HMMR: variants seen among roughly 807,000 people sequenced by gnomAD.
HMMR encodes hyaluronan mediated motility receptor.
Under a neutral mutation model 101.0 loss-of-function variants are expected in HMMR, and 108 were observed. The observed-to-expected ratio is 1.07, with a 90% CI of 0.92 to 1.25. HMMR has a LOEUF of 1.25. Ranked by LOEUF, HMMR falls within the 50% of genes most tolerant of loss-of-function variation. The probability of loss-of-function intolerance (pLI) is 0.00; values close to 1 mark genes in which losing one functional copy is unlikely to be tolerated. For synonymous variants in HMMR, 296 were observed against 276.4 expected, an observed-to-expected ratio of 1.07 and a Z score of -0.70; for missense variants, 813 against 788.7, an observed-to-expected ratio of 1.03 and a Z score of -0.37.
chr5:163,471,444 G>A lies in HMMR; in HGVS notation c.631G>A (p.Ala211Thr). The A allele has an allele frequency of 6.2e-7, 1 of 1,612,332 alleles. No individual in the cohort carries two copies. The highest frequency in any genetic ancestry group is 8.5e-7 in the Non-Finnish European group (1 of 1,178,454). Residue 211 changes from alanine to threonine, a missense_variant, in exon 7 of 18, where the codon GCC becomes ACC. Transcript: ENST00000393915. ...RSLEESQGKI[A>T]QLEGKLVSIE... ...TCTCGAAGAGTCTCAAGGGAAAATA[G>A]CCCAACTGGAGGGAAAACTGTAAGT...
At position 163,473,931 on chromosome 5, in the gene HMMR, A is replaced by G. The variant is rs984049482; in HGVS notation, c.905-126A>G. Reference sequence around the variant, plus strand: ...CATGGAGTAATGATACAAAGTTCACAGTTTTGTTTTCTTCTTTGGAAATAC... The same window carrying G: ...CATGGAGTAATGATACAAAGTTCACGGTTTTGTTTTCTTCTTTGGAAATAC... On this transcript the variant is annotated intron_variant, in intron 9 of 17. Transcript: ENST00000393915. 311 of 730,144 alleles carry G rather than the reference A, an allele frequency of 4.3e-4. 1 individual carries two copies. Among genetic ancestry groups the G allele is most frequent in the Admixed American group, 3.9e-4 (13 of 32,936 alleles). The allele number at this position is 730,144 out of a possible 1,614,324, so 45.2% of individuals were successfully genotyped here.
intron 16 of HMMR, among the ~76,000 whole-genome samples, chr5:163,490,112 A>C (rs1759635395): frequency 6.6e-6 from 1 of 152,198 alleles, no homozygotes; most frequent in East Asian, 1.9e-4. Context: ...GTCATGCCAG[A>C]AGTCCATCTC....
chr5:163,483,172 G>A lies in HMMR; in HGVS notation c.1685G>A (p.Arg562Lys), dbSNP rs1262044127. 6.2e-7 allele frequency: 1 copy of A among 1,607,756 alleles called. No individual in the cohort carries two copies. Among genetic ancestry groups the A allele is most frequent in the African/African-American group, 1.3e-5 (1 of 74,280 alleles). Residue 562 changes from arginine to lysine, a missense_variant and splice_region_variant, in exon 14 of 18, where the codon AGA (arginine) becomes AAA (lysine). Transcript: ENST00000393915. ...AAACAGCTGGAAGATGAAGAAGGAA[G>A]GTAATCTATGATTAGAACCTGAGTG... ...FRKQLEDEEG[R>K]KAEKENTTAE...
chr5:163,475,622 A>T lies in HMMR; in HGVS notation c.1218A>T (p.Glu406Asp), dbSNP rs761407665. 18 of 1,612,728 alleles carry T rather than the reference A, an allele frequency of 1.1e-5. No homozygotes were observed. In the African/African-American group the frequency reaches 2.4e-4, roughly 22 times the overall value. ...AERLVKQLEE[E>D]AKSRAEELKL... ...GGCTGGTCAAGCAATTGGAAGAGGA[A>T]GCAAAATCTAGAGCTGAAGAATTAA... is the stretch of plus-strand genomic sequence containing the variant. Residue 406 changes from glutamate (E) to aspartate (D), a missense_variant, in exon 11 of 18, where the codon GAA becomes GAT. Physicochemically the swap from Glu to Asp is conservative, Grantham distance 45. Coordinates refer to ENST00000393915, the MANE Select transcript of HMMR (RefSeq NM_001142556.2).
chr5:163,486,546 G>T (rs1184937865), intron 16 of HMMR, among the ~76,000 whole-genome samples: 1 of 152,106 alleles, frequency 6.6e-6, no homozygotes, highest in Non-Finnish European at 1.5e-5. Flanking sequence ...TGTTCTTATA[G>T]ATCATGTCTT....
At chr5:163,484,970 A>G (rs1265701999) in intron 16 of HMMR, among the ~76,000 whole-genome samples, 2 of 152,144 alleles carry the variant, frequency 1.3e-5, no homozygotes, top group Non-Finnish European at 2.9e-5. Context: ...TTATAGCCTA[A>G]TAATTCATTA....
At position 163,482,699 on chromosome 5, in the gene HMMR, A is replaced by G; in HGVS notation, c.1443A>G (p.Leu481=). ...IEDLKLENSS[L]QEKAAKAGKN... is the part of the protein sequence containing the mutation. ...ATCTTAAGCTGGAGAACTCATCATT[A>G]CAGGAAAAAGCGGCCAAGGCTGGGA... Residue 481 remains leucine (L), a synonymous_variant, in exon 13 of 18, where the codon TTA becomes TTG. Coordinates refer to ENST00000393915, the MANE Select transcript of HMMR (RefSeq NM_001142556.2). 2 of 1,613,036 alleles carry G rather than the reference A, an allele frequency of 1.2e-6. No individual in the cohort carries two copies. Among genetic ancestry groups the G allele is most frequent in the Non-Finnish European group, 1.7e-6 (2 of 1,178,980 alleles).
chr5:163,475,483 A>G lies in HMMR; in HGVS notation c.1079A>G (p.Lys360Arg). 6.3e-7 allele frequency: 1 copy of G among 1,595,746 alleles called. No homozygotes were observed. Among genetic ancestry groups the G allele is most frequent in the South Asian group, 1.1e-5 (1 of 88,142 alleles). Reference protein sequence around the residue: ...EKELSSSLHQKLCSFQEEMVK... With the variant: ...EKELSSSLHQRLCSFQEEMVK... Reference sequence around the variant, plus strand: ...GAATTATCTTCGAGTCTTCATCAGAAGCTCTGTTCTTTTCAAGAGGAAATG... The same window carrying G: ...GAATTATCTTCGAGTCTTCATCAGAGGCTCTGTTCTTTTCAAGAGGAAATG... Residue 360 changes from lysine (K) to arginine (R), a missense_variant, in exon 11 of 18, where the codon AAG becomes AGG. Coordinates refer to ENST00000393915, the MANE Select transcript of HMMR (RefSeq NM_001142556.2).
At position 163,473,189 on chromosome 5, in the gene HMMR, G is replaced by A; in HGVS notation, c.661G>A (p.Glu221Lys). The change falls in exon 8 of 18, where the codon GAG (glutamate) becomes AAG (lysine). Residue 221 changes from glutamate to lysine, a missense_variant. Physicochemically the swap from Glu to Lys is moderately conservative, Grantham distance 56. Transcript: ENST00000393915. The stretch of plus-strand genomic sequence containing the variant: ...CAATTTTTGTTTTAGTGTTTCAATA[G>A]AGAAAGAAAAGATTGATGAAAAATC... ...AQLEGKLVSI[E>K]KEKIDEKSET... 2 of 1,532,648 alleles carry A rather than the reference G, an allele frequency of 1.3e-6. No individual in the cohort carries two copies. The highest frequency in any genetic ancestry group is 2.3e-5 in the South Asian group (2 of 88,010). The allele number at this position is 1,532,648 out of a possible 1,614,324, so 94.9% of individuals were successfully genotyped here. A position where few individuals can be genotyped will look rare whatever the true frequency, so the allele number is the denominator to read the frequency against.
In HMMR at chr5:163,482,796, G is replaced by A; in HGVS notation, c.1532+8G>A. On this transcript the variant is annotated splice_region_variant and intron_variant, in intron 13 of 17. Coordinates refer to ENST00000393915, the MANE Select transcript of HMMR (RefSeq NM_001142556.2). ...AAATCAAGAATATGTAAGGTATATA[G>A]AGCAAATAATGGCCTTAGAACCATT... 6 of 1,609,546 alleles carry A rather than the reference G, an allele frequency of 3.7e-6. No homozygotes were observed. Among genetic ancestry groups the A allele is most frequent in the Non-Finnish European group, 5.1e-6 (6 of 1,176,204 alleles).
rs1435771751 is a variant in HMMR at position 163,490,413 on chromosome 5, G to A, written c.1986G>A (p.Gln662=). Residue 662 remains glutamine, a synonymous_variant, in exon 17 of 18, where the codon CAG becomes CAA. Coordinates refer to ENST00000393915, the MANE Select transcript of HMMR (RefSeq NM_001142556.2). ...LKSEVSKLRC[Q]LAKKKQSETK... is the part of the protein sequence containing the mutation. The stretch of plus-strand genomic sequence containing the variant: ...AGGAAGTATCAAAACTCCGCTGTCA[G>A]CTTGCTAAAAAAAAACAAAGTGAGA... 1 of 1,584,588 alleles carries A rather than the reference G, an allele frequency of 6.3e-7. No homozygotes were observed.
intron 10 of HMMR, chr5:163,474,502 C>G (rs1759006100): frequency 2.1e-6 from 1 of 471,612 alleles, no homozygotes; most frequent in South Asian, 1.6e-5. Context: ...TTTACACTTA[C>G]CTTGTAAAAG....
At chr5:163,464,294 GAA>G in intron 2 of HMMR, among the ~76,000 whole-genome samples, 1 of 152,106 alleles carries the variant, frequency 6.6e-6, no homozygotes, top group Non-Finnish European at 1.5e-5. Flanking sequence ...ACTAAGGAAA[GAA>G]TATATTGTTT....
At chr5:163,487,178 T>G (rs1408635784) in intron 16 of HMMR, among the ~76,000 whole-genome samples, 3 of 152,242 alleles carry the variant, frequency 2.0e-5, no homozygotes, top group Non-Finnish European at 1.5e-5. Context: ...TTCTATCAAG[T>G]GCTTCTTCTA....
chr5:163,470,916 C>T (rs7718166), intron 5 of HMMR, among the ~76,000 whole-genome samples: 5,183 of 152,088 alleles, frequency 0.034, 262 homozygotes, highest in African/African-American at 0.12. Flanking sequence ...ATTGATTGAG[C>T]CCAGGAGTTT....
At chr5:163,488,487 T>C (rs1221554633) in intron 16 of HMMR, among the ~76,000 whole-genome samples, 1 of 152,190 alleles carries the variant, frequency 6.6e-6, no homozygotes, top group Admixed American at 6.5e-5. Context: ...CCCCCTCCTT[T>C]TGGGGGCTTT....
At chr5:163,480,868 G>T (rs1040852601) in intron 12 of HMMR, among the ~76,000 whole-genome samples, 1 of 152,052 alleles carries the variant, frequency 6.6e-6, no homozygotes, top group Non-Finnish European at 1.5e-5. Flanking sequence ...GGTATCTTCT[G>T]CCAGTTTAGC....
At chr5:163,483,419 G>C (rs1425002694) in intron 15 of HMMR, 52 bp downstream of exon 15, 1 of 1,005,230 alleles carries the variant, frequency 9.9e-7, no homozygotes. Context: ...GACTCACTTT[G>C]TTCCCTATTA....
rs377112820 is a variant in HMMR, at chr5:163,470,491, C to T, written c.462+662C>T. ...TACAAAAATTAGTCAGGTATGGTGG[C>T]GTACACCCGTAATTCCAGCTACTCA... On this transcript the variant is annotated intron_variant, in intron 5 of 17. Transcript: ENST00000393915. 1.1e-4 allele frequency among the ~76,000 whole-genome samples: 17 copies of T among 152,104 alleles called. No individual in the cohort carries two copies. In the South Asian group the frequency reaches 3.1e-3, roughly 28 times the overall value.
Sources: gnomAD v4.1 joint callset for allele counts (sites outside exome capture counted in the v4.1 genomes callset) on GRCh38, gnomAD v4.1.1 for gene constraint, MANE v1.5 for transcripts, NCBI Gene and HGNC (gene_info 2026-07-23, HGNC 2026-07-21) for gene names.